TBC1D32: variants seen among roughly 807,000 people sequenced by gnomAD.
TBC1D32 encodes the protein TBC1 domain family member 32.
A neutral mutation model predicts 170.3 loss-of-function variants in TBC1D32; 151 were observed. The observed-to-expected ratio is 0.89, with a 90% confidence interval of 0.78 to 1.01. The LOEUF (loss-of-function observed/expected upper bound fraction) is 1.01, where lower values mean the gene tolerates loss of function less well. Ranked by LOEUF, TBC1D32 falls within the 50% of genes least tolerant of loss-of-function variation. TBC1D32 has a pLI of 0.00. For synonymous variants in TBC1D32, 498 were observed against 488.0 expected (o/e 1.02, Z -0.27); for missense variants, 1,464 against 1,457.1 (o/e 1.00, Z -0.08).
intron 24 of TBC1D32, among the ~76,000 whole-genome samples, chr6:121,146,428 T>A (rs1326941215): frequency 1.3e-5 from 2 of 152,196 alleles, no homozygotes; most frequent in Non-Finnish European, 2.9e-5. Context: ...TGTAGTTAAG[T>A]GAGTTGATAT....
chr6:121,200,254 T>G (rs1450874464), intron 22 of TBC1D32, among the ~76,000 whole-genome samples: 1 of 151,420 alleles, frequency 6.6e-6, no homozygotes, highest in Non-Finnish European at 1.5e-5. Context: ...AGATTTAAAT[T>G]GTTAAAACTA....
intron 23 of TBC1D32, among the ~76,000 whole-genome samples, chr6:121,160,637 A>G (rs1490547204): frequency 2.6e-5 from 4 of 152,228 alleles, no homozygotes; most frequent in Non-Finnish European, 5.9e-5. Flanking sequence ...GTTAAGTATC[A>G]TGAATGAGAA....
chr6:121,203,020 C>T (rs368867403), intron 22 of TBC1D32, among the ~76,000 whole-genome samples: 2 of 151,156 alleles, frequency 1.3e-5, no homozygotes, highest in South Asian at 4.1e-4. Flanking sequence ...TAGATTCAGA[C>T]ACATTAATGG....
chr6:121,328,345 A>G lies in TBC1D32; in HGVS notation c.155+5931T>C, dbSNP rs547029979. On this transcript the variant is annotated intron_variant, in intron 1 of 31. Coordinates refer to ENST00000398212, the MANE Select transcript of TBC1D32 (RefSeq NM_152730.6). ...CTGTCACCCAGGCTGGAGTGCAGTG[A>G]CGCGATCTCGGCTCTCTGCAAGCTC... Among the ~76,000 whole-genome samples, 345 of 151,762 alleles carry G rather than the reference A, an allele frequency of 2.3e-3. 1 individual carries two copies. The highest frequency in any genetic ancestry group is 8.0e-3 in the African/African-American group (333 of 41,368).
intron 30 of TBC1D32, among the ~76,000 whole-genome samples, chr6:121,102,799 G>T (rs1424798773): frequency 6.6e-6 from 1 of 152,066 alleles, no homozygotes; most frequent in African/African-American, 2.4e-5. Context: ...AGAGTGAACA[G>T]GCAACCTACA....
intron 15 of TBC1D32, among the ~76,000 whole-genome samples, chr6:121,259,134 C>T (rs1241503804): frequency 6.6e-6 from 1 of 151,956 alleles, no homozygotes; most frequent in Non-Finnish European, 1.5e-5. Flanking sequence ...TCCATCTCTA[C>T]TAAAAATACA....
intron 24 of TBC1D32, among the ~76,000 whole-genome samples, chr6:121,145,276 G>A (rs2128228661): frequency 6.6e-6 from 1 of 152,228 alleles, no homozygotes; most frequent in South Asian, 2.1e-4. Flanking sequence ...TAAAGAGGAA[G>A]ATCAGGCTTT....
chr6:121,170,551 G>T, intron 22 of TBC1D32: 1 of 1,469,380 alleles, frequency 6.8e-7, no homozygotes. Context: ...AAAAATAAAC[G>T]TAGATTGTGT....
At chr6:121,327,004 C>T (rs1053391497) in intron 1 of TBC1D32, among the ~76,000 whole-genome samples, 1 of 151,936 alleles carries the variant, frequency 6.6e-6, no homozygotes, top group African/African-American at 2.4e-5. Flanking sequence ...TTTCTTTTAC[C>T]ATCGGAATTC....
chr6:121,254,981 T>G (rs1798774920), intron 17 of TBC1D32, among the ~76,000 whole-genome samples: 1 of 152,100 alleles, frequency 6.6e-6, no homozygotes, highest in African/African-American at 2.4e-5. Flanking sequence ...TAAATAGACT[T>G]CATTGGCATT....
At chr6:121,302,898 C>T (rs534347117) in intron 9 of TBC1D32, among the ~76,000 whole-genome samples, 2 of 152,138 alleles carry the variant, frequency 1.3e-5, no homozygotes, top group Admixed American at 6.5e-5. Context: ...AGCACCATTG[C>T]TAGATAACAT....
intron 22 of TBC1D32, among the ~76,000 whole-genome samples, chr6:121,178,369 T>C (rs931768520): frequency 6.6e-6 from 1 of 152,008 alleles, no homozygotes; most frequent in African/African-American, 2.4e-5. Context: ...ATGAAAAACT[T>C]TGTGAGTACA....
chr6:121,304,876 G>C, intron 5 of TBC1D32, 43 bp from the exon 6 acceptor site: 1 of 1,264,042 alleles, frequency 7.9e-7, no homozygotes, highest in Non-Finnish European at 1.1e-6. Context: ...GATCTCACAA[G>C]AATAGAATAG....
intron 20 of TBC1D32, among the ~76,000 whole-genome samples, chr6:121,234,297 T>C (rs1265149201): frequency 1.3e-5 from 2 of 152,190 alleles, no homozygotes; most frequent in African/African-American, 4.8e-5. Flanking sequence ...TATTATTACC[T>C]CAAATATGTT....
chr6:121,175,039 C>T (rs927365135), intron 22 of TBC1D32, among the ~76,000 whole-genome samples: 17 of 126,418 alleles, frequency 1.3e-4, no homozygotes, highest in Non-Finnish European at 2.8e-4. Context: ...AAAAAAAAAA[C>T]TGATAAGATT....
intron 15 of TBC1D32, among the ~76,000 whole-genome samples, chr6:121,270,737 G>C (rs1249300971): frequency 6.6e-6 from 1 of 152,132 alleles, no homozygotes; most frequent in Non-Finnish European, 1.5e-5. Flanking sequence ...TAGAAAAAGA[G>C]GGAATCCTCT....
chr6:121,127,260 T>C (rs1200809477), intron 25 of TBC1D32, among the ~76,000 whole-genome samples: 1 of 152,162 alleles, frequency 6.6e-6, no homozygotes, highest in Non-Finnish European at 1.5e-5. Flanking sequence ...ATTTTAAGAA[T>C]ATAATTCTTG....
At chr6:121,147,209 T>A (rs1783571953) in intron 24 of TBC1D32, among the ~76,000 whole-genome samples, 1 of 152,244 alleles carries the variant, frequency 6.6e-6, no homozygotes, top group African/African-American at 2.4e-5. Context: ...ATTCTCTTTA[T>A]CCAATCCACA....
intron 22 of TBC1D32, among the ~76,000 whole-genome samples, chr6:121,204,819 C>A (rs1792022378): frequency 1.4e-5 from 2 of 146,438 alleles, no homozygotes; most frequent in South Asian, 4.2e-4. Context: ...ATGAAATAGT[C>A]CCTAAAATGC....
Sources: gnomAD v4.1 joint callset for allele counts (sites outside exome capture counted in the v4.1 genomes callset) on GRCh38, gnomAD v4.1.1 for gene constraint, MANE v1.5 for transcripts, NCBI Gene and HGNC (gene_info 2026-07-23, HGNC 2026-07-21) for gene names.